DGKB: variants seen among roughly 807,000 people sequenced by gnomAD.
DGKB encodes 90 kDa diacylglycerol kinase.
A neutral mutation model predicts 114.3 loss-of-function variants in DGKB; 67 were observed. The observed-to-expected ratio is 0.59, with a 90% CI of 0.48 to 0.72. The LOEUF (loss-of-function observed/expected upper bound fraction) is 0.72, where lower values mean the gene tolerates loss of function less well. Among genes scored for constraint, DGKB ranks in the 30% least tolerant of loss-of-function variants. DGKB has a pLI of 0.00. For synonymous variants in DGKB, 398 were observed against 323.1 expected, an observed-to-expected ratio of 1.23 and a Z score of -2.49; for missense variants, 907 against 975.2, an observed-to-expected ratio of 0.93 and a Z score of 0.93.
At chr7:14,660,708 A>C (rs1816874890) in intron 13 of DGKB, among the ~76,000 whole-genome samples, 1 of 151,914 alleles carries the variant, frequency 6.6e-6, no homozygotes, top group Non-Finnish European at 1.5e-5. Flanking sequence ...AACTACTTTA[A>C]AGTTCATATG....
At chr7:14,530,429 G>A (rs1054726511) in intron 20 of DGKB, among the ~76,000 whole-genome samples, 2 of 151,350 alleles carry the variant, frequency 1.3e-5, no homozygotes, top group Non-Finnish European at 3.0e-5. Context: ...ACCCTGTATG[G>A]AAGTATGATT....
chr7:14,441,835 T>A, intron 21 of DGKB, among the ~76,000 whole-genome samples: 1 of 152,072 alleles, frequency 6.6e-6, no homozygotes, highest in East Asian at 1.9e-4. Context: ...TTTTTATATA[T>A]GTTCTCCTTT....
chr7:14,508,492 A>G (rs971458170), intron 20 of DGKB, among the ~76,000 whole-genome samples: 1 of 152,158 alleles, frequency 6.6e-6, no homozygotes, highest in Non-Finnish European at 1.5e-5. Flanking sequence ...GAAGGTGTTG[A>G]TTTTAGAAGG....
intron 2 of DGKB, among the ~76,000 whole-genome samples, chr7:14,778,660 T>C (rs1462805980): frequency 1.3e-5 from 2 of 152,136 alleles, no homozygotes; most frequent in Admixed American, 6.5e-5. Flanking sequence ...CAGAAAAACA[T>C]ACCTAAACTA....
chr7:14,347,170 A>T (rs1299135625), intron 21 of DGKB, among the ~76,000 whole-genome samples: 1 of 151,846 alleles, frequency 6.6e-6, no homozygotes, highest in Non-Finnish European at 1.5e-5. Flanking sequence ...GCCCACTGGG[A>T]TCTTGGTTAT....
intron 22 of DGKB, among the ~76,000 whole-genome samples, chr7:14,344,066 TTA>T (rs1157494448): frequency 6.7e-6 from 1 of 149,514 alleles, no homozygotes; most frequent in Non-Finnish European, 1.5e-5. Context: ...ATGCATATAG[TTA>T]TATATGTGTT....
chr7:14,758,510 A>T (rs924744819), intron 2 of DGKB, among the ~76,000 whole-genome samples: 6 of 152,154 alleles, frequency 3.9e-5, no homozygotes, highest in Non-Finnish European at 8.8e-5. Flanking sequence ...GCTAACAAAT[A>T]TGGGTAAGTC....
rs1781419609 is a variant in DGKB, at chr7:14,145,797, TGACACAA to T, written c.*3327_*3333del. On this transcript the variant is annotated 3_prime_UTR_variant, in exon 26 of 26. Coordinates refer to ENST00000402815, the MANE Select transcript of DGKB (RefSeq NM_001350709.2). Reference sequence around the variant, plus strand: ...TAACCAATGAACAACAAACTAACGTTGACACAAAAAGGAAAAGAATGATCTCAAAATC... The same window carrying T: ...TAACCAATGAACAACAAACTAACGTTAAAGGAAAAGAATGATCTCAAAATC... 1 of 152,134 alleles carries T rather than the reference TGACACAA, an allele frequency of 6.6e-6. No individual in the cohort carries two copies. Among genetic ancestry groups the T allele is most frequent in the Non-Finnish European group, 1.5e-5 (1 of 68,026 alleles). 9.4% of individuals were successfully genotyped at this position (152,134 alleles called of 1,614,324 possible).
chr7:14,313,260 C>A (rs6461083), intron 23 of DGKB, among the ~76,000 whole-genome samples: 3 of 152,040 alleles, frequency 2.0e-5, no homozygotes, highest in Non-Finnish European at 2.9e-5. Context: ...CAACATATTG[C>A]GGGGAGGAGC....
chr7:14,573,111 T>C (rs1183485382), intron 20 of DGKB, among the ~76,000 whole-genome samples: 1 of 152,192 alleles, frequency 6.6e-6, no homozygotes, highest in Non-Finnish European at 1.5e-5. Flanking sequence ...AGGTTGTGTG[T>C]AAGTGATACA....
chr7:14,806,108 T>A (rs140064499), intron 2 of DGKB, among the ~76,000 whole-genome samples: 92 of 152,054 alleles, frequency 6.1e-4, no homozygotes, highest in East Asian at 2.9e-3. Context: ...GGCATAAAAT[T>A]CTTTGCTTCC....
intron 25 of DGKB, among the ~76,000 whole-genome samples, chr7:14,160,754 AT>A (rs1197912368): frequency 6.6e-6 from 1 of 152,206 alleles, no homozygotes; most frequent in East Asian, 1.9e-4. Flanking sequence ...TCTTCACAGA[AT>A]TAGAAAAAAC....
At chr7:14,175,135 T>C (rs1781534881) in intron 25 of DGKB, among the ~76,000 whole-genome samples, 1 of 152,228 alleles carries the variant, frequency 6.6e-6, no homozygotes, top group Admixed American at 6.5e-5. Flanking sequence ...TGGGCTTTAA[T>C]TAAAGAGTCT....
At chr7:14,849,368 C>G (rs1343176699) in intron 1 of DGKB, among the ~76,000 whole-genome samples, 1 of 151,998 alleles carries the variant, frequency 6.6e-6, no homozygotes, top group African/African-American at 2.4e-5. Context: ...CAAGTGGGAC[C>G]TTTGAGGGGT....
At chr7:14,454,181 T>G (rs1318071913) in intron 21 of DGKB, among the ~76,000 whole-genome samples, 1 of 152,166 alleles carries the variant, frequency 6.6e-6, no homozygotes, top group South Asian at 2.1e-4. Flanking sequence ...TTTTGAAATA[T>G]ACCACACATT....
chr7:14,674,161 T>G (rs1446849678), intron 12 of DGKB, among the ~76,000 whole-genome samples: 2 of 151,808 alleles, frequency 1.3e-5, no homozygotes, highest in African/African-American at 4.9e-5. Flanking sequence ...TGACTTGTAC[T>G]GTAATTAATG....
chr7:14,392,995 G>GTTTTTTTTT (rs1554404748), intron 21 of DGKB, among the ~76,000 whole-genome samples: 5 of 60,544 alleles, frequency 8.3e-5, no homozygotes, highest in African/African-American at 1.9e-4. Flanking sequence ...TTTTGTTTTT[G>GTTTTTTTTT]TTTTTTTTTT....
chr7:14,249,173 C>T (rs1219487171), intron 23 of DGKB, among the ~76,000 whole-genome samples: 6 of 152,116 alleles, frequency 3.9e-5, no homozygotes. Flanking sequence ...ATGAAGCATC[C>T]TTACATCCTT....
intron 1 of DGKB, among the ~76,000 whole-genome samples, chr7:14,929,859 T>C (rs964128613): frequency 6.6e-6 from 1 of 152,208 alleles, no homozygotes; most frequent in African/African-American, 2.4e-5. Flanking sequence ...TTTATGGTCT[T>C]ACGTTTAAGT....
Sources: allele counts gnomAD v4.1 joint callset (sites outside exome capture counted in the v4.1 genomes callset), GRCh38; gene constraint gnomAD v4.1.1; transcripts MANE v1.5; gene names NCBI Gene and HGNC (gene_info 2026-07-23, HGNC 2026-07-21).